The following ITGBL1 variants were observed in gnomAD, a reference collection of about 807,000 sequenced individuals.
The protein encoded by ITGBL1 is integrin subunit beta like 1.
A neutral mutation model predicts 68.5 loss-of-function variants in ITGBL1; 51 were observed. The ratio of observed to expected loss-of-function variants is 0.74; its 90% confidence interval spans 0.59 to 0.94. ITGBL1 has a LOEUF of 0.94. ITGBL1 is among the 40% of genes least tolerant of loss of function. The probability of loss-of-function intolerance (pLI) is 0.00; values close to 1 mark genes in which losing one functional copy is unlikely to be tolerated. For synonymous variants in ITGBL1, 209 were observed against 227.3 expected, an observed-to-expected ratio of 0.92 and a Z score of 0.72; for missense variants, 649 against 647.4, an observed-to-expected ratio of 1.00 and a Z score of -0.03.
intron 7 of ITGBL1, among the ~76,000 whole-genome samples, chr13:101,624,297 C>T (rs1402795439): frequency 2.0e-5 from 3 of 152,148 alleles, no homozygotes; most frequent in Non-Finnish European, 4.4e-5. Flanking sequence ...AAGCAAACAC[C>T]GTTACTTCCT....
chr13:101,474,353 G>C (rs971737014), intron 2 of ITGBL1, among the ~76,000 whole-genome samples: 6 of 152,088 alleles, frequency 3.9e-5, no homozygotes, highest in Non-Finnish European at 7.4e-5. Flanking sequence ...GAGAGGGAAG[G>C]GTGGGAAGAA....
chr13:101,710,694 C>CTTA (rs1274404466), intron 9 of ITGBL1: 1 of 152,254 alleles, frequency 6.6e-6, no homozygotes, highest in East Asian at 1.9e-4. Context: ...TGGGACAGAT[C>CTTA]TTAGCAGTGG....
At chr13:101,649,082 A>G (rs1266335861) in intron 7 of ITGBL1, among the ~76,000 whole-genome samples, 2 of 152,208 alleles carry the variant, frequency 1.3e-5, no homozygotes, top group African/African-American at 4.8e-5. Context: ...AATAAAGAGG[A>G]GTATGCATAT....
chr13:101,718,185 A>G (rs959519439), downstream of ITGBL1: 1 of 152,264 alleles, frequency 6.6e-6, no homozygotes, highest in Non-Finnish European at 1.5e-5. Flanking sequence ...CTTTGAAAAC[A>G]GAAATATTTT....
chr13:101,619,235 C>A (rs1319901879), intron 7 of ITGBL1, among the ~76,000 whole-genome samples: 1 of 151,982 alleles, frequency 6.6e-6, no homozygotes, highest in African/African-American at 2.4e-5. Flanking sequence ...CAAAGACACC[C>A]CTGTAATCCC....
intron 3 of ITGBL1, among the ~76,000 whole-genome samples, chr13:101,575,088 A>C (rs1222513904): frequency 1.3e-5 from 2 of 152,120 alleles, no homozygotes; most frequent in Non-Finnish European, 2.9e-5. Context: ...TTGCTGCTTT[A>C]TTTCACTTCA....
At chr13:101,685,157 A>G (rs902008059) in intron 7 of ITGBL1, among the ~76,000 whole-genome samples, 25 of 152,052 alleles carry the variant, frequency 1.6e-4, no homozygotes, top group African/African-American at 4.6e-4. Flanking sequence ...TTGGTACAAT[A>G]TTGATTTATT....
chr13:101,653,420 T>A (rs935762971), intron 7 of ITGBL1, among the ~76,000 whole-genome samples: 1 of 152,110 alleles, frequency 6.6e-6, no homozygotes, highest in South Asian at 2.1e-4. Context: ...TCTGGGATCA[T>A]GAAGAGTTCA....
chr13:101,577,381 T>A (rs2050380400), intron 4 of ITGBL1, among the ~76,000 whole-genome samples: 1 of 152,236 alleles, frequency 6.6e-6, no homozygotes, highest in South Asian at 2.1e-4. Context: ...CACATTTTAA[T>A]CTCAATTATT....
In ITGBL1 at chr13:101,516,330, A is replaced by G. The variant is rs117344021; in HGVS notation, c.317-51369A>G. Among the ~76,000 whole-genome samples the G allele has an allele frequency of 2.6e-3, 394 of 152,240 alleles. 1 individual carries two copies. Among genetic ancestry groups the G allele is most frequent in the Non-Finnish European group, 4.2e-3 (286 of 68,006 alleles). Reference sequence around the variant, plus strand: ...CTCTAATCTCTAGGGTTAGATTATCATGTCTAAATGAAATGCGGTTATAAA... The same window carrying G: ...CTCTAATCTCTAGGGTTAGATTATCGTGTCTAAATGAAATGCGGTTATAAA... On this transcript the variant is annotated intron_variant, in intron 2 of 10. Transcript: ENST00000376180.
At chr13:101,465,294 C>G (rs2048368868) in intron 2 of ITGBL1, among the ~76,000 whole-genome samples, 1 of 152,064 alleles carries the variant, frequency 6.6e-6, no homozygotes, top group South Asian at 2.1e-4. Flanking sequence ...AATTAGGTTT[C>G]ATTGGAAATC....
chr13:101,520,623 G>A (rs2049269430), intron 2 of ITGBL1, among the ~76,000 whole-genome samples: 1 of 152,128 alleles, frequency 6.6e-6, no homozygotes, highest in Non-Finnish European at 1.5e-5. Flanking sequence ...CTCTGTTCAG[G>A]GCACCCTGCT....
chr13:101,691,088 A>G (rs535875687), intron 7 of ITGBL1, among the ~76,000 whole-genome samples: 2 of 152,272 alleles, frequency 1.3e-5, no homozygotes, highest in African/African-American at 4.8e-5. Flanking sequence ...TGCATTTGCC[A>G]CACTGCCCAC....
chr13:101,604,887 TACACACACACACAC>T (rs1555361670), intron 7 of ITGBL1, among the ~76,000 whole-genome samples: 18 of 22,142 alleles, frequency 8.1e-4, no homozygotes, highest in South Asian at 2.6e-3. Flanking sequence ...TATATATATA[TACACACACACACAC>T]ATATATATGT....
intron 2 of ITGBL1, among the ~76,000 whole-genome samples, chr13:101,498,336 C>T (rs981583611): frequency 1.3e-5 from 2 of 152,098 alleles, no homozygotes; most frequent in Non-Finnish European, 2.9e-5. Flanking sequence ...ATAAGATGTA[C>T]ATCCAAGACT....
chr13:101,648,621 T>A (rs1051834042), intron 7 of ITGBL1, among the ~76,000 whole-genome samples: 1 of 152,168 alleles, frequency 6.6e-6, no homozygotes, highest in African/African-American at 2.4e-5. Flanking sequence ...AAACTGTTAT[T>A]GTTCACCAAT....
intron 8 of ITGBL1, among the ~76,000 whole-genome samples, chr13:101,699,690 A>G (rs1001412156): frequency 6.6e-6 from 1 of 152,098 alleles, no homozygotes; most frequent in Non-Finnish European, 1.5e-5. Context: ...CTTCCAAATT[A>G]CCGAGTCTTG....
At chr13:101,543,322 A>T (rs1213239756) in intron 2 of ITGBL1, among the ~76,000 whole-genome samples, 1 of 152,162 alleles carries the variant, frequency 6.6e-6, no homozygotes, top group Non-Finnish European at 1.5e-5. Flanking sequence ...TATAAAGCTT[A>T]GTTTGGCTGG....
intron 7 of ITGBL1, among the ~76,000 whole-genome samples, chr13:101,689,153 C>T (rs1466975761): frequency 2.1e-5 from 3 of 142,002 alleles, no homozygotes; most frequent in Admixed American, 7.5e-5. Flanking sequence ...TGCAGTGACC[C>T]AAGATTGCAA....
Sources: allele counts gnomAD v4.1 joint callset (sites outside exome capture counted in the v4.1 genomes callset), GRCh38; gene constraint gnomAD v4.1.1; transcripts MANE v1.5; gene names NCBI Gene and HGNC (gene_info 2026-07-23, HGNC 2026-07-21).